Variants in B3GALT1 observed in about 807,000 individuals in gnomAD.
B3GALT1 encodes the protein UDP-Gal:betaGlcNAc beta 1,3-galactosyltransferase, polypeptide 1.
A neutral mutation model predicts 23.2 loss-of-function variants in B3GALT1; 10 were observed. The observed-to-expected ratio is 0.43, with a 90% CI of 0.27 to 0.73. B3GALT1 has a LOEUF of 0.73. Ranked by LOEUF, B3GALT1 falls within the 30% of genes least tolerant of loss-of-function variation. B3GALT1 has a pLI of 0.21. For synonymous variants in B3GALT1, 156 were observed against 141.5 expected, an observed-to-expected ratio of 1.10 and a Z score of -0.73; for missense variants, 299 against 405.4, an observed-to-expected ratio of 0.74 and a Z score of 2.25.
At chr2:167,309,203 G>A (rs1445899907) in intron 1 of B3GALT1, among the ~76,000 whole-genome samples, 2 of 151,994 alleles carry the variant, frequency 1.3e-5, no homozygotes, top group African/African-American at 4.8e-5. Context: ...ATGCTCTAGA[G>A]CAGAAAGGTT....
chr2:167,715,661 T>C lies in B3GALT1; in HGVS notation c.-352+68695T>C, dbSNP rs905998646. ...ATCCTCAAGTTCAGAATTGGACCTG[T>C]TCAGCTTTTCACAGGTTGCCTCCAA... On this transcript the variant is annotated intron_variant, in intron 3 of 4. Transcript: ENST00000392690. 5.6e-6 allele frequency: 9 copies of C among 1,613,550 alleles called. No individual in the cohort carries two copies. In the African/African-American group the frequency reaches 1.2e-4, roughly 22 times the overall value.
At chr2:167,587,028 A>G (rs1684595100) in intron 2 of B3GALT1, among the ~76,000 whole-genome samples, 1 of 152,184 alleles carries the variant, frequency 6.6e-6, no homozygotes, top group East Asian at 1.9e-4. Flanking sequence ...TCATCCCATC[A>G]AATTGAATTC....
At chr2:167,804,951 A>C (rs1208029709) in intron 3 of B3GALT1, among the ~76,000 whole-genome samples, 2 of 152,164 alleles carry the variant, frequency 1.3e-5, no homozygotes, top group Non-Finnish European at 2.9e-5. Flanking sequence ...CAACAGTGTA[A>C]AAGTGTTCCT....
chr2:167,586,590 C>G (rs149579553), intron 2 of B3GALT1, among the ~76,000 whole-genome samples: 1 of 152,174 alleles, frequency 6.6e-6, no homozygotes, highest in Non-Finnish European at 1.5e-5. Flanking sequence ...TGAGCTACCA[C>G]GCCAGGCCAA....
intron 3 of B3GALT1, among the ~76,000 whole-genome samples, chr2:167,797,664 G>C (rs1449152119): frequency 1.3e-5 from 2 of 151,070 alleles, no homozygotes; most frequent in African/African-American, 2.5e-5. Flanking sequence ...TTTAATAGTC[G>C]CCATTCTGAC....
intron 2 of B3GALT1, among the ~76,000 whole-genome samples, chr2:167,548,990 T>C (rs754497808): frequency 7.2e-5 from 11 of 152,212 alleles, no homozygotes; most frequent in Non-Finnish European, 1.6e-4. Flanking sequence ...TGGCATATGA[T>C]TTTATATTAA....
chr2:167,332,957 T>G (rs1696997651), intron 1 of B3GALT1, among the ~76,000 whole-genome samples: 1 of 152,210 alleles, frequency 6.6e-6, no homozygotes, highest in Admixed American at 6.5e-5. Flanking sequence ...TTTATTTTCA[T>G]GAGACAGCTC....
chr2:167,379,267 G>GC (rs1014172170), intron 1 of B3GALT1, among the ~76,000 whole-genome samples: 1 of 151,980 alleles, frequency 6.6e-6, no homozygotes, highest in African/African-American at 2.4e-5. Context: ...GGGGGAAACG[G>GC]CCCCCATGAT....
intron 3 of B3GALT1, among the ~76,000 whole-genome samples, chr2:167,752,749 A>T (rs920182175): frequency 3.3e-5 from 5 of 152,188 alleles, no homozygotes; most frequent in African/African-American, 1.2e-4. Context: ...TCAGCAACTC[A>T]CAATTGTTGA....
At chr2:167,456,456 A>G (rs1699175429) in intron 1 of B3GALT1, among the ~76,000 whole-genome samples, 1 of 152,186 alleles carries the variant, frequency 6.6e-6, no homozygotes, top group Non-Finnish European at 1.5e-5. Context: ...CCCCTAACAC[A>G]TACCATACAT....
chr2:167,535,094 C>G lies in B3GALT1; in HGVS notation c.-410+44817C>G, dbSNP rs1387175733. ...AGCCATGCTGTTTTATCAGAAGTCC[C>G]ATTCCCTTGATGAAGCTAAGTCATC... On this transcript the variant is annotated intron_variant, in intron 2 of 4. Coordinates refer to ENST00000392690, the MANE Select transcript of B3GALT1 (RefSeq NM_020981.4). 2.0e-5 allele frequency among the ~76,000 whole-genome samples: 3 copies of G among 152,224 alleles called. 1 individual carries two copies. The highest frequency in any genetic ancestry group is 3.9e-4 in the East Asian group (2 of 5,168).
chr2:167,555,349 C>A (rs1020891619), intron 2 of B3GALT1, among the ~76,000 whole-genome samples: 12 of 152,080 alleles, frequency 7.9e-5, no homozygotes, highest in Non-Finnish European at 1.5e-4. Context: ...AGTAACTTGC[C>A]CTCAGGTCAC....
chr2:167,408,534 A>G (rs552234964), intron 1 of B3GALT1, among the ~76,000 whole-genome samples: 2 of 152,282 alleles, frequency 1.3e-5, no homozygotes, highest in Admixed American at 1.3e-4. Flanking sequence ...TAGTCAAGAT[A>G]AAGAAATGAA....
intron 1 of B3GALT1, among the ~76,000 whole-genome samples, chr2:167,445,115 G>A (rs552549452): frequency 7.2e-5 from 11 of 152,172 alleles, no homozygotes; most frequent in South Asian, 4.2e-4. Flanking sequence ...CTTTCATTTC[G>A]TTATGTACCC....
At chr2:167,452,961 T>C (rs1699111103) in intron 1 of B3GALT1, among the ~76,000 whole-genome samples, 1 of 152,232 alleles carries the variant, frequency 6.6e-6, no homozygotes, top group Non-Finnish European at 1.5e-5. Flanking sequence ...CAGTAGTTGC[T>C]AAAATTTCCC....
At chr2:167,849,865 C>T (rs1256352442) in intron 4 of B3GALT1, among the ~76,000 whole-genome samples, 4 of 139,026 alleles carry the variant, frequency 2.9e-5, no homozygotes, top group Non-Finnish European at 6.1e-5. Context: ...ACTCCAGCCC[C>T]GGGAAAAGAG....
intron 3 of B3GALT1, among the ~76,000 whole-genome samples, chr2:167,669,161 A>C (rs947366633): frequency 5.9e-5 from 9 of 152,194 alleles, no homozygotes; most frequent in Non-Finnish European, 1.3e-4. Flanking sequence ...GAATTGAATG[A>C]AGACATACTT....
At chr2:167,546,269 C>T (rs1683633862) in intron 2 of B3GALT1, among the ~76,000 whole-genome samples, 1 of 152,226 alleles carries the variant, frequency 6.6e-6, no homozygotes, top group Non-Finnish European at 1.5e-5. Flanking sequence ...TATGACATAA[C>T]TCAGAGAATA....
At chr2:167,337,834 A>G (rs1697083069) in intron 1 of B3GALT1, among the ~76,000 whole-genome samples, 1 of 152,188 alleles carries the variant, frequency 6.6e-6, no homozygotes, top group African/African-American at 2.4e-5. Context: ...ATTTGTATGC[A>G]TTTGTTTCCC....
Sources: allele counts gnomAD v4.1 joint callset (sites outside exome capture counted in the v4.1 genomes callset), GRCh38; gene constraint gnomAD v4.1.1; transcripts MANE v1.5; gene names NCBI Gene and HGNC (gene_info 2026-07-23, HGNC 2026-07-21).